Variants in KIAA0513 observed in about 807,000 individuals in gnomAD.
The protein encoded by KIAA0513 is KIAA0513.
KIAA0513 carries 39 observed loss-of-function variants against 56.5 expected under a neutral mutation model. That is an observed-to-expected ratio of 0.69 (90% CI 0.53 to 0.90). KIAA0513 has a LOEUF of 0.90. Among genes scored for constraint, KIAA0513 ranks in the 40% least tolerant of loss-of-function variants. The probability of loss-of-function intolerance (pLI) is 0.00; values close to 1 mark genes in which losing one functional copy is unlikely to be tolerated. For synonymous variants in KIAA0513, 268 were observed against 215.6 expected (o/e 1.24, Z -2.13); for missense variants, 591 against 535.2 (o/e 1.10, Z -1.03).
intron 1 of KIAA0513, among the ~76,000 whole-genome samples, chr16:85,038,815 T>G (rs902048234): frequency 6.6e-5 from 10 of 151,980 alleles, no homozygotes; most frequent in Admixed American, 2.6e-4. Flanking sequence ...TAAAAATCAC[T>G]AATGAGGTAG....
intron 1 of KIAA0513, among the ~76,000 whole-genome samples, chr16:85,055,296 C>T (rs918404900): frequency 6.6e-6 from 1 of 152,102 alleles, no homozygotes; most frequent in African/African-American, 2.4e-5. Context: ...TGTCTCTAGA[C>T]AGTACCATGA....
chr16:85,052,905 T>A (rs1387354259), intron 1 of KIAA0513, among the ~76,000 whole-genome samples: 1 of 152,150 alleles, frequency 6.6e-6, no homozygotes, highest in Non-Finnish European at 1.5e-5. Flanking sequence ...TTATTTTTTT[T>A]ATTTTGAGAC....
chr16:85,093,126 G>T lies in KIAA0513; in HGVS notation c.*4801G>T, dbSNP rs867521964. Reference sequence around the variant, plus strand: ...GCCTCTGGTGCTGGCAAGGGATTGGGTTTGTGTGGGTGTCTCTAGCCTGCA... The same window carrying T: ...GCCTCTGGTGCTGGCAAGGGATTGGTTTTGTGTGGGTGTCTCTAGCCTGCA... On this transcript the variant is annotated 3_prime_UTR_variant, in exon 13 of 13. Transcript: ENST00000683363. 1 of 152,386 alleles carries T rather than the reference G, an allele frequency of 6.6e-6. No homozygotes were observed. The highest frequency in any genetic ancestry group is 2.1e-4 in the South Asian group (1 of 4,838). The allele number at this position is 152,386 out of a possible 1,614,324, so 9.4% of individuals were successfully genotyped here.
rs1211475596 is a variant in KIAA0513, at chr16:85,081,775, A to T, written c.980+383A>T. Among the ~76,000 whole-genome samples, 3 of 152,200 alleles carry T rather than the reference A, an allele frequency of 2.0e-5. No homozygotes were observed. The highest frequency in any genetic ancestry group is 6.5e-5 in the Admixed American group (1 of 15,286). ...GGAAGGGCTGGCCACCATCCCCGAG[A>T]CTGCCCTCGAGAGCTGGCGCCTGGG... is the stretch of plus-strand genomic sequence containing the variant. On this transcript the variant is annotated intron_variant, in intron 9 of 12. Coordinates refer to ENST00000683363, the MANE Select transcript of KIAA0513 (RefSeq NM_001388359.1). This position sits in a 1 kb window ranked among gnomAD's most constrained non-coding sequence, Gnocchi z 4.4.
chr16:85,072,028 C>A (rs1374403728), intron 3 of KIAA0513, 146 bp downstream of exon 3: 7 of 617,404 alleles, frequency 1.1e-5, no homozygotes, highest in Non-Finnish European at 1.7e-5. Flanking sequence ...TAAAACTTAT[C>A]CAAAAATACT....
At chr16:85,029,788 A>G (rs2072937763) in intron 1 of KIAA0513, among the ~76,000 whole-genome samples, 1 of 152,242 alleles carries the variant, frequency 6.6e-6, no homozygotes, top group African/African-American at 2.4e-5. Context: ...TATTGCCCGT[A>G]ATAACCCTCA....
intron 1 of KIAA0513, among the ~76,000 whole-genome samples, chr16:85,057,235 G>A (rs776490851): frequency 3.1e-4 from 47 of 152,336 alleles, no homozygotes; most frequent in Middle Eastern, 3.4e-3. Flanking sequence ...GATGAATGGC[G>A]TAGAGTCCAG....
rs1411179159 is a variant in KIAA0513 at position 85,094,110 on chromosome 16, G to A, written c.*5785G>A. On this transcript the variant is annotated 3_prime_UTR_variant, in exon 13 of 13. Transcript: ENST00000683363. ...TTTTAAGGTTGAGAAAGTTTCAAGG[G>A]TGAAGATCTCAAAACAGTGCTAAAA... 6.6e-6 allele frequency: 1 copy of A among 152,122 alleles called. No homozygotes were observed. The highest frequency in any genetic ancestry group is 1.5e-5 in the Non-Finnish European group (1 of 68,022). The allele number at this position is 152,122 out of a possible 1,614,324, so 9.4% of individuals were successfully genotyped here. A position where few individuals can be genotyped will look rare whatever the true frequency, so the allele number is the denominator to read the frequency against.
intron 1 of KIAA0513, among the ~76,000 whole-genome samples, chr16:85,065,861 G>A (rs2073473651): frequency 2.0e-5 from 3 of 152,196 alleles, no homozygotes; most frequent in Admixed American, 6.5e-5. Context: ...GGTTAGAAGC[G>A]AAGATTCAGA....
In KIAA0513 at chr16:85,074,335, T is replaced by TATAC. The variant is rs1335457110; in HGVS notation, c.503+1338_503+1339insTACA. The stretch of plus-strand genomic sequence containing the variant: ...ATACACACACACACACACGTATATA[T>TATAC]ACACACATACACACACACACACACA... On this transcript the variant is annotated intron_variant, in intron 4 of 12. Coordinates refer to ENST00000683363, the MANE Select transcript of KIAA0513 (RefSeq NM_001388359.1). 2.6e-4 allele frequency among the ~76,000 whole-genome samples: 34 copies of TATAC among 130,876 alleles called. No homozygotes were observed. The South Asian group carries it at 5.6e-3, about 22-fold the overall frequency. 85.9% of individuals were successfully genotyped at this position (130,876 alleles called of 152,430 possible). A position where few individuals can be genotyped will look rare whatever the true frequency, so the allele number is the denominator to read the frequency against.
intron 1 of KIAA0513, among the ~76,000 whole-genome samples, chr16:85,049,543 C>G (rs1247340247): frequency 6.6e-6 from 1 of 152,156 alleles, no homozygotes; most frequent in Non-Finnish European, 1.5e-5. Context: ...GCACTGTCCT[C>G]GAGATAGCGA....
chr16:85,041,202 C>G (rs1464327649), intron 1 of KIAA0513, among the ~76,000 whole-genome samples: 6 of 152,192 alleles, frequency 3.9e-5, no homozygotes, highest in Admixed American at 3.3e-4. Flanking sequence ...TCCTTCCCAA[C>G]TCTCCAACTA....
chr16:85,079,167 A>C (rs35665639), intron 8 of KIAA0513, 164 bp downstream of exon 8: 522,987 of 1,421,898 alleles, frequency 0.37, 98,694 homozygotes, highest in Middle Eastern at 0.44. Context: ...GTTGGTGAGG[A>C]TGTGGAGAAA....
intron 1 of KIAA0513, among the ~76,000 whole-genome samples, chr16:85,039,814 A>G (rs1037066146): frequency 4.6e-5 from 7 of 151,026 alleles, no homozygotes; most frequent in Non-Finnish European, 8.9e-5. Flanking sequence ...GATGATGCTG[A>G]TACCAAAGAA....
In KIAA0513 at chr16:85,033,348, A is replaced by C. The variant is rs551670426; in HGVS notation, c.-173+5490A>C. Reference sequence around the variant, plus strand: ...CCACAGCTGCTTCAGGTCAGGATGCAGGGTTTCTCTGATGCACTCTGCAGG... The same window carrying C: ...CCACAGCTGCTTCAGGTCAGGATGCCGGGTTTCTCTGATGCACTCTGCAGG... On this transcript the variant is annotated intron_variant, in intron 1 of 12. Coordinates refer to ENST00000683363, the MANE Select transcript of KIAA0513 (RefSeq NM_001388359.1). Among the ~76,000 whole-genome samples, 127 of 152,288 alleles carry C rather than the reference A, an allele frequency of 8.3e-4. 1 individual carries two copies. The highest frequency in any genetic ancestry group is 3.0e-3 in the African/African-American group (124 of 41,564).
chr16:85,049,322 C>T (rs1006591867), intron 1 of KIAA0513, among the ~76,000 whole-genome samples: 1 of 152,218 alleles, frequency 6.6e-6, no homozygotes, highest in African/African-American at 2.4e-5. Context: ...TTAGCTTTGG[C>T]CCTTCATGGG....
chr16:85,086,246 G>C (rs2073806415), intron 10 of KIAA0513, among the ~76,000 whole-genome samples: 1 of 152,248 alleles, frequency 6.6e-6, no homozygotes, highest in Admixed American at 6.5e-5. Context: ...ACGTTGGGCA[G>C]GTCCCCTCCC....
chr16:85,067,025 T>G lies in KIAA0513; in HGVS notation c.-47T>G. ...GACACCAGGCTGCTGGGCTCCCCTC[T>G]AGGCAGCCTCCCCTCCAGGCAGCCT... On this transcript the variant is annotated 5_prime_UTR_variant, in exon 2 of 13. Coordinates refer to ENST00000683363, the MANE Select transcript of KIAA0513 (RefSeq NM_001388359.1). 6.7e-7 allele frequency: 1 copy of G among 1,485,756 alleles called. No individual in the cohort carries two copies. The highest frequency in any genetic ancestry group is 2.2e-5 in the Admixed American group (1 of 46,176). 92.0% of individuals were successfully genotyped at this position (1,485,756 alleles called of 1,614,324 possible).
chr16:85,069,493 C>T (rs1218545711), intron 2 of KIAA0513, among the ~76,000 whole-genome samples: 3 of 151,960 alleles, frequency 2.0e-5, no homozygotes, highest in Non-Finnish European at 1.5e-5. Context: ...AGGGAGAGTT[C>T]GGGGCTGTGA....
Sources: gnomAD v4.1 joint callset for allele counts (sites outside exome capture counted in the v4.1 genomes callset) on GRCh38, gnomAD v4.1.1 for gene constraint, Gnocchi (gnomAD v3.1) non-coding constraint, MANE v1.5 for transcripts, NCBI Gene and HGNC (gene_info 2026-07-23, HGNC 2026-07-21) for gene names.